SLC9A9: variants seen among roughly 807,000 people sequenced by gnomAD.
SLC9A9 encodes the protein sodium/hydrogen exchanger 9.
Under a neutral mutation model 77.8 loss-of-function variants are expected in SLC9A9, and 62 were observed. That is an observed-to-expected ratio of 0.80 (90% CI 0.65 to 0.98). The LOEUF (loss-of-function observed/expected upper bound fraction) is 0.98. Ranked by LOEUF, SLC9A9 falls within the 50% of genes least tolerant of loss-of-function variation. SLC9A9 has a pLI of 0.00. For missense variants in SLC9A9, 775 were observed against 774.9 expected (o/e 1.00, Z 0.00); for synonymous variants, 320 against 283.5 (o/e 1.13, Z -1.29).
intron 11 of SLC9A9, among the ~76,000 whole-genome samples, chr3:143,483,928 G>A (rs1973814): frequency 0.22 from 33,632 of 151,928 alleles, 4,772 homozygotes; most frequent in Non-Finnish European, 0.32. Flanking sequence ...TGTCTTGTTC[G>A]CACAAATACC....
rs139308088 is a variant in SLC9A9 at position 143,578,627 on chromosome 3, G to A, written c.852C>T (p.Gly284=). 72 of 1,613,978 alleles carry A rather than the reference G, an allele frequency of 4.5e-5. 1 individual carries two copies. Among genetic ancestry groups the A allele is most frequent in the Non-Finnish European group, 6.1e-5 (72 of 1,179,968 alleles). Residue 284 remains glycine (G), a synonymous_variant, in exon 7 of 16, where the codon GGC becomes GGT. Transcript: ENST00000316549. The part of the protein sequence containing the change: ...SVGNFLGIFA[G]SFAMGSAYAI... ...CATACGCAGACCCCATTGCAAATGA[G>A]CCAGCGAAGATTCCCAGGAAATTCC...
chr3:143,554,543 C>T (rs555092314), intron 8 of SLC9A9, among the ~76,000 whole-genome samples: 48 of 152,320 alleles, frequency 3.2e-4, no homozygotes, highest in African/African-American at 4.3e-4. Flanking sequence ...TGGATTACAA[C>T]GATAGCTTCC....
At chr3:143,503,196 G>A (rs1032931831) in intron 9 of SLC9A9, 1 of 186,180 alleles carries the variant, frequency 5.4e-6, no homozygotes, top group African/African-American at 2.4e-5. Context: ...GTGTGGTTGG[G>A]GGGTACTAAG....
chr3:143,594,883 T>A (rs1281714419), intron 6 of SLC9A9, among the ~76,000 whole-genome samples: 1 of 152,194 alleles, frequency 6.6e-6, no homozygotes, highest in Non-Finnish European at 1.5e-5. Flanking sequence ...GTTTGAAAGG[T>A]GGAATGTTTG....
chr3:143,432,189 T>C (rs994375546), intron 12 of SLC9A9, among the ~76,000 whole-genome samples: 1 of 152,234 alleles, frequency 6.6e-6, no homozygotes, highest in Non-Finnish European at 1.5e-5. Context: ...TTATTTCAAA[T>C]GCTCAGAACA....
chr3:143,435,199 C>G (rs1392526470), intron 12 of SLC9A9, among the ~76,000 whole-genome samples: 2 of 152,080 alleles, frequency 1.3e-5, no homozygotes, highest in Non-Finnish European at 2.9e-5. Context: ...TATGCCTTTT[C>G]TCTTCTACCT....
intron 6 of SLC9A9, among the ~76,000 whole-genome samples, chr3:143,629,158 G>T (rs191444760): frequency 6.6e-6 from 1 of 152,186 alleles, no homozygotes; most frequent in African/African-American, 2.4e-5. Flanking sequence ...ACCACACGGG[G>T]GAACCACTAA....
intron 8 of SLC9A9, among the ~76,000 whole-genome samples, chr3:143,570,370 A>G (rs2037237915): frequency 6.6e-6 from 1 of 152,164 alleles, no homozygotes; most frequent in South Asian, 2.1e-4. Flanking sequence ...ACGTGAGTGA[A>G]TGAGCTTGCT....
At chr3:143,592,607 T>C (rs1361199195) in intron 6 of SLC9A9, among the ~76,000 whole-genome samples, 1 of 152,166 alleles carries the variant, frequency 6.6e-6, no homozygotes, top group Non-Finnish European at 1.5e-5. Flanking sequence ...TTTTGAGAGT[T>C]GTGTTTACAT....
chr3:143,528,577 T>C (rs1408411809), intron 9 of SLC9A9, among the ~76,000 whole-genome samples: 1 of 152,168 alleles, frequency 6.6e-6, no homozygotes, highest in Non-Finnish European at 1.5e-5. Flanking sequence ...TATGAACAAC[T>C]CTGTGAGGGT....
At chr3:143,434,509 T>C (rs1332444683) in intron 12 of SLC9A9, among the ~76,000 whole-genome samples, 2 of 152,152 alleles carry the variant, frequency 1.3e-5, no homozygotes, top group African/African-American at 4.8e-5. Flanking sequence ...CAGTGTTCGA[T>C]TGCAACTTCT....
intron 14 of SLC9A9, among the ~76,000 whole-genome samples, chr3:143,360,812 T>C (rs1304691261): frequency 6.6e-6 from 1 of 152,196 alleles, no homozygotes; most frequent in African/African-American, 2.4e-5. Flanking sequence ...GTTTTATGGG[T>C]CAATCTGGCT....
chr3:143,301,823 C>G (rs2030537540), intron 14 of SLC9A9, among the ~76,000 whole-genome samples: 1 of 152,188 alleles, frequency 6.6e-6, no homozygotes, highest in Non-Finnish European at 1.5e-5. Context: ...TCTAAGCCCA[C>G]CCAAAGCTGA....
At chr3:143,561,908 T>C (rs1375169216) in intron 8 of SLC9A9, among the ~76,000 whole-genome samples, 1 of 152,206 alleles carries the variant, frequency 6.6e-6, no homozygotes, top group Non-Finnish European at 1.5e-5. Flanking sequence ...CTATGCCCTT[T>C]TTCACCTTTG....
intron 11 of SLC9A9, among the ~76,000 whole-genome samples, chr3:143,477,922 A>C (rs964582574): frequency 6.6e-6 from 1 of 152,214 alleles, no homozygotes; most frequent in Non-Finnish European, 1.5e-5. Context: ...GCAAAGGGTC[A>C]ATCCCAGGCA....
intron 5 of SLC9A9, among the ~76,000 whole-genome samples, chr3:143,683,949 A>G (rs1408842454): frequency 6.6e-6 from 1 of 152,082 alleles, no homozygotes; most frequent in Non-Finnish European, 1.5e-5. Context: ...GAAAAATAGC[A>G]GCCCCATCTT....
At chr3:143,636,726 C>T (rs993818670) in intron 6 of SLC9A9, among the ~76,000 whole-genome samples, 2 of 152,194 alleles carry the variant, frequency 1.3e-5, no homozygotes, top group African/African-American at 4.8e-5. Flanking sequence ...AACAGAAGTG[C>T]AAAGCACTGG....
At position 143,336,565 on chromosome 3, in the gene SLC9A9, A is replaced by C. The variant is rs983587339; in HGVS notation, c.1604+26919T>G. Among the ~76,000 whole-genome samples, 5 of 152,342 alleles carry C rather than the reference A, an allele frequency of 3.3e-5. No individual in the cohort carries two copies. In the East Asian group the frequency reaches 7.7e-4, roughly 23 times the overall value. On this transcript the variant is annotated intron_variant, in intron 14 of 15. Transcript: ENST00000316549. ...ATACAATAGGATATTCTTCAGCTTTAAAAAGGACAGAAATTCTGTCACATG... is the reference window on the plus strand; with the variant it reads ...ATACAATAGGATATTCTTCAGCTTTCAAAAGGACAGAAATTCTGTCACATG...
chr3:143,602,186 A>G (rs548554983), intron 6 of SLC9A9, among the ~76,000 whole-genome samples: 129 of 152,320 alleles, frequency 8.5e-4, no homozygotes, highest in Middle Eastern at 3.4e-3. Context: ...CAAGAGTTAG[A>G]GGCGAGCAGG....
Sources: allele counts gnomAD v4.1 joint callset (sites outside exome capture counted in the v4.1 genomes callset), GRCh38; gene constraint gnomAD v4.1.1; transcripts MANE v1.5; gene names NCBI Gene and HGNC (gene_info 2026-07-23, HGNC 2026-07-21).